Variants in NLGN1 observed in about 807,000 individuals in gnomAD.
NLGN1 encodes neuroligin-1.
A neutral mutation model predicts 65.5 loss-of-function variants in NLGN1; 12 were observed. The ratio of observed to expected loss-of-function variants is 0.18; its 90% CI spans 0.12 to 0.30. The LOEUF (loss-of-function observed/expected upper bound fraction) is 0.30, where lower values mean the gene tolerates loss of function less well. Among genes scored for constraint, NLGN1 ranks in the 10% least tolerant of loss-of-function variants. NLGN1 has a pLI of 1.00. For synonymous variants in NLGN1, 350 were observed against 359.5 expected, an observed-to-expected ratio of 0.97 and a Z score of 0.30; for missense variants, 750 against 1,007.1, an observed-to-expected ratio of 0.74 and a Z score of 3.46.
intron 4 of NLGN1, among the ~76,000 whole-genome samples, chr3:173,980,672 G>T (rs886782168): frequency 4.6e-5 from 7 of 151,894 alleles, no homozygotes; most frequent in Non-Finnish European, 8.8e-5. Context: ...ATAATGACAC[G>T]GTATCAGTGC....
intron 2 of NLGN1, among the ~76,000 whole-genome samples, chr3:173,568,626 C>T (rs1559980677): frequency 6.6e-6 from 1 of 152,054 alleles, no homozygotes; most frequent in Non-Finnish European, 1.5e-5. Flanking sequence ...AAAAACAAAA[C>T]AAATTAGGAA....
intron 2 of NLGN1, among the ~76,000 whole-genome samples, chr3:173,451,733 G>C (rs1006035666): frequency 6.6e-6 from 1 of 152,204 alleles, no homozygotes; most frequent in Admixed American, 6.5e-5. Flanking sequence ...TGGCCACTCT[G>C]TTTACCTACT....
At chr3:174,067,577 T>C (rs1269357093) in intron 4 of NLGN1, among the ~76,000 whole-genome samples, 1 of 152,116 alleles carries the variant, frequency 6.6e-6, no homozygotes, top group Non-Finnish European at 1.5e-5. Context: ...TCTGAGTACA[T>C]TTCTATGAAA....
intron 4 of NLGN1, among the ~76,000 whole-genome samples, chr3:174,004,474 CT>C (rs971293991): frequency 6.6e-6 from 1 of 152,020 alleles, no homozygotes; most frequent in Admixed American, 6.5e-5. Context: ...TTTTATATAT[CT>C]TTTTTTATCC....
chr3:174,292,980 G>C, the NLGN1 span, among the ~76,000 whole-genome samples: 1 of 151,324 alleles, frequency 6.6e-6, no homozygotes, highest in East Asian at 1.9e-4. Flanking sequence ...AAATTCACAC[G>C]ATTTAAAATT....
rs1750847460 is a variant in NLGN1 at position 174,277,709 on chromosome 3, T to G, written c.860-1152T>G. Among the ~76,000 whole-genome samples, 3 of 151,880 alleles carry G rather than the reference T, an allele frequency of 2.0e-5. No homozygotes were observed. The South Asian group carries it at 6.2e-4, about 31-fold the overall frequency. ...AATACTGTTAGATTTTTTTAATATC[T>G]TCAGAATTATATAGGAACATGTTAC... On this transcript the variant is annotated intron_variant, in intron 5 of 6. Transcript: ENST00000457714.
intron 3 of NLGN1, among the ~76,000 whole-genome samples, chr3:173,665,012 T>C (rs969279495): frequency 6.6e-6 from 1 of 152,270 alleles, no homozygotes; most frequent in South Asian, 2.1e-4. Context: ...TGGTTGGTCC[T>C]TATAAATATT....
chr3:174,190,937 G>T (rs530111648), intron 4 of NLGN1, among the ~76,000 whole-genome samples: 1 of 151,972 alleles, frequency 6.6e-6, no homozygotes, highest in Non-Finnish European at 1.5e-5. Context: ...TTGACTGGGG[G>T]CCGAGATCTC....
intron 4 of NLGN1, among the ~76,000 whole-genome samples, chr3:174,039,605 A>T (rs1383723909): frequency 6.6e-6 from 1 of 152,158 alleles, no homozygotes; most frequent in Non-Finnish European, 1.5e-5. Context: ...CAAAGGCACC[A>T]GGTAAGGGAG....
chr3:174,006,819 A>G (rs1321285880), intron 4 of NLGN1, among the ~76,000 whole-genome samples: 1 of 152,132 alleles, frequency 6.6e-6, no homozygotes, highest in Non-Finnish European at 1.5e-5. Flanking sequence ...TTGTAACCCC[A>G]GCACTCTGGG....
At chr3:174,167,698 G>A (rs969370) in intron 4 of NLGN1, among the ~76,000 whole-genome samples, 150,338 of 151,010 alleles carry the variant, frequency 1, 74,838 homozygotes, top group African/African-American at 1. Context: ...TTCATTTTGT[G>A]TAGTATCTCA....
intron 4 of NLGN1, among the ~76,000 whole-genome samples, chr3:174,109,079 A>T (rs1461964839): frequency 1.3e-5 from 2 of 152,100 alleles, no homozygotes; most frequent in Admixed American, 1.3e-4. Context: ...TTTTTAAATA[A>T]CCTTTACAAT....
At chr3:173,712,287 A>C (rs1486850774) in intron 3 of NLGN1, among the ~76,000 whole-genome samples, 1 of 152,166 alleles carries the variant, frequency 6.6e-6, no homozygotes, top group Non-Finnish European at 1.5e-5. Context: ...TGGGAAGGTA[A>C]TATGCTTGCT....
chr3:173,748,976 A>G (rs1473033595), intron 3 of NLGN1, among the ~76,000 whole-genome samples: 2 of 152,052 alleles, frequency 1.3e-5, no homozygotes, highest in African/African-American at 4.8e-5. Context: ...CATTATATGC[A>G]CATAGCATGA....
intron 4 of NLGN1, among the ~76,000 whole-genome samples, chr3:173,989,332 C>T (rs1412812706): frequency 3.3e-5 from 5 of 152,104 alleles, no homozygotes; most frequent in Admixed American, 1.3e-4. Flanking sequence ...AACTCTTGTC[C>T]ACTATAAAGA....
intron 2 of NLGN1, among the ~76,000 whole-genome samples, chr3:173,466,155 A>G (rs1724311243): frequency 6.6e-6 from 1 of 152,138 alleles, no homozygotes; most frequent in African/African-American, 2.4e-5. Flanking sequence ...ATATTCATTG[A>G]GCAATTGTGG....
chr3:174,034,575 C>T (rs1472405840), intron 4 of NLGN1, among the ~76,000 whole-genome samples: 14 of 152,094 alleles, frequency 9.2e-5, no homozygotes. Context: ...CGTTATAAAT[C>T]ACCTGTACTA....
intron 1 of NLGN1, among the ~76,000 whole-genome samples, chr3:173,417,105 A>G (rs1236424991): frequency 6.6e-6 from 1 of 152,070 alleles, no homozygotes; most frequent in Admixed American, 6.6e-5. Context: ...TTTTTCATAG[A>G]AAATGATCTA....
At chr3:173,868,332 A>G (rs1031915986) in intron 4 of NLGN1, among the ~76,000 whole-genome samples, 1 of 152,240 alleles carries the variant, frequency 6.6e-6, no homozygotes, top group African/African-American at 2.4e-5. Context: ...ATATGTGTTC[A>G]ATCAACAATT....
Sources: gnomAD v4.1 joint callset for allele counts (sites outside exome capture counted in the v4.1 genomes callset) on GRCh38, gnomAD v4.1.1 for gene constraint, MANE v1.5 for transcripts, NCBI Gene and HGNC (gene_info 2026-07-23, HGNC 2026-07-21) for gene names.